Variants in METTL25 observed in about 807,000 individuals in gnomAD.
METTL25 encodes the protein probable methyltransferase-like protein 25.
In METTL25, 64 loss-of-function variants were observed where a neutral mutation model predicts 71.6. The ratio of observed to expected loss-of-function variants is 0.89; its 90% CI spans 0.73 to 1.10. METTL25 has a LOEUF of 1.10. Ranked by LOEUF, METTL25 falls within the 50% of genes least tolerant of loss-of-function variation. METTL25 has a pLI of 0.00. For missense variants in METTL25, 807 were observed against 707.0 expected, an observed-to-expected ratio of 1.14 and a Z score of -1.60; for synonymous variants, 287 against 250.3, an observed-to-expected ratio of 1.15 and a Z score of -1.38.
At chr12:82,467,417 TC>T (rs1264096562) in intron 9 of METTL25, among the ~76,000 whole-genome samples, 1 of 152,120 alleles carries the variant, frequency 6.6e-6, no homozygotes, top group African/African-American at 2.4e-5. Context: ...TTTTTTCACT[TC>T]CAGATGTAAG....
chr12:82,477,221 AT>A, intron 10 of METTL25, 59 bp from the exon 11 acceptor site: 5 of 749,414 alleles, frequency 6.7e-6, no homozygotes, highest in Non-Finnish European at 1.1e-5. Context: ...GTTTAAGGAA[AT>A]AAGCTAGTCT....
intron 10 of METTL25, among the ~76,000 whole-genome samples, chr12:82,476,969 T>C (rs1298903892): frequency 6.6e-6 from 1 of 151,850 alleles, no homozygotes; most frequent in African/African-American, 2.4e-5. Context: ...CACATATTGG[T>C]CCCAATGCAG....
intron 1 of METTL25, among the ~76,000 whole-genome samples, chr12:82,363,118 C>T (rs537350715): frequency 6.6e-6 from 1 of 152,216 alleles, no homozygotes; most frequent in East Asian, 1.9e-4. Flanking sequence ...ACAGGAGATA[C>T]AAAAGGTCTG....
In METTL25 at chr12:82,358,693, C is replaced by T. The variant is rs1881303580; in HGVS notation, c.128C>T (p.Thr43Ile). 2 of 1,614,092 alleles carry T rather than the reference C, an allele frequency of 1.2e-6. No homozygotes were observed. The highest frequency in any genetic ancestry group is 1.3e-5 in the African/African-American group (1 of 74,942). ...ISNAHTVDFY[T>I]ESVWEELVDL... The stretch of plus-strand genomic sequence containing the variant: ...AATGCACATACCGTGGATTTCTACA[C>T]AGAATCCGTGTGGGAGGAGCTGGTC... Residue 43 changes from threonine to isoleucine, a missense_variant, in exon 1 of 12, where the codon ACA becomes ATA. Physicochemically the swap from Thr to Ile is moderately conservative, Grantham distance 89 (BLOSUM62 -1). Transcript: ENST00000248306.
intron 1 of METTL25, among the ~76,000 whole-genome samples, chr12:82,359,970 T>C (rs1881609292): frequency 6.6e-6 from 1 of 152,248 alleles, no homozygotes; most frequent in Non-Finnish European, 1.5e-5. Context: ...GCTCTCATAA[T>C]AAATATATGG....
Position 82,405,261 on chromosome 12 carries a change from T to C in METTL25, c.1279+2131T>C, listed in dbSNP as rs528643044. Among the ~76,000 whole-genome samples the C allele has an allele frequency of 5.9e-5, 9 of 152,186 alleles. No homozygotes were observed. In the South Asian group the frequency reaches 8.3e-4, roughly 14 times the overall value. On this transcript the variant is annotated intron_variant, in intron 5 of 11. Coordinates refer to ENST00000248306, the MANE Select transcript of METTL25 (RefSeq NM_032230.3). ...TCTTTTCTGCACAGTTGCACCTTAC[T>C]CTTTCTCCAGAGTGATCCCCAGAGC... is the stretch of plus-strand genomic sequence containing the variant.
intron 1 of METTL25, among the ~76,000 whole-genome samples, chr12:82,360,466 T>TA (rs1881698531): frequency 6.6e-6 from 1 of 151,434 alleles, no homozygotes; most frequent in East Asian, 1.9e-4. Flanking sequence ...TTTTTAGTGC[T>TA]GTAAGAAAAA....
rs1350863175 is a variant in METTL25, at chr12:82,406,352, TG to T, written c.1279+3223del. 2.6e-5 allele frequency among the ~76,000 whole-genome samples: 4 copies of T among 152,292 alleles called. 1 individual carries two copies. Among genetic ancestry groups the T allele is most frequent in the East Asian group, 1.9e-4 (1 of 5,180 alleles). ...ACAAAGTAAGTCCCCGTACCTATAT[TG>T]TTTTTTTATGTATCTTTCTAGAAAA... On this transcript the variant is annotated intron_variant, in intron 5 of 11. Transcript: ENST00000248306.
chr12:82,388,735 T>A (rs1885293541), intron 2 of METTL25: 1 of 152,126 alleles, frequency 6.6e-6, no homozygotes, highest in South Asian at 2.1e-4. Flanking sequence ...AGATGCATGC[T>A]GGTGATAAGT....
At chr12:82,459,100 A>G (rs898146055) in intron 9 of METTL25, among the ~76,000 whole-genome samples, 11 of 152,204 alleles carry the variant, frequency 7.2e-5, no homozygotes, top group Non-Finnish European at 1.5e-4. Flanking sequence ...GAAAATTACA[A>G]AGCATACTAG....
rs186414456 is a variant in METTL25, at chr12:82,442,758, G to A, written c.1478+3967G>A. Among the ~76,000 whole-genome samples, 6 of 152,084 alleles carry A rather than the reference G, an allele frequency of 3.9e-5. No individual in the cohort carries two copies. The East Asian group carries it at 1.2e-3, about 29-fold the overall frequency. ...CTTATTCTTTCCTACAACTGTATGT[G>A]ATTTTATAATTATTTTAAAATTGAA... On this transcript the variant is annotated intron_variant, in intron 8 of 11. Transcript: ENST00000248306.
At position 82,418,425 on chromosome 12, in the gene METTL25, A is replaced by G. The variant is rs1360967384; in HGVS notation, c.1280-12468A>G. Among the ~76,000 whole-genome samples the G allele has an allele frequency of 3.3e-5, 5 of 152,134 alleles. No individual in the cohort carries two copies. The South Asian group carries it at 8.3e-4, about 25-fold the overall frequency. On this transcript the variant is annotated intron_variant, in intron 5 of 11. Transcript: ENST00000248306. ...TAATATATACTATTCTGCTGTAGCA[A>G]TTTTGTAGCCACCTCCCGTTGCTAT...
In METTL25 at chr12:82,472,260, T is replaced by C. The variant is rs147611520; in HGVS notation, c.1573-4384T>C. ...CTTAGTGGTTGTCTAGGTTCATTTGTATGTGCACTCATCAATAACATTTTT... is the reference window on the plus strand; with the variant it reads ...CTTAGTGGTTGTCTAGGTTCATTTGCATGTGCACTCATCAATAACATTTTT... On this transcript the variant is annotated intron_variant, in intron 9 of 11. Coordinates refer to ENST00000248306, the MANE Select transcript of METTL25 (RefSeq NM_032230.3). Among the ~76,000 whole-genome samples the C allele has an allele frequency of 4.6e-4, 70 of 152,346 alleles. No homozygotes were observed. The East Asian group carries it at 0.012, about 26-fold the overall frequency.
intron 1 of METTL25, among the ~76,000 whole-genome samples, chr12:82,367,247 G>T (rs1882671114): frequency 6.6e-6 from 1 of 151,742 alleles, no homozygotes; most frequent in Non-Finnish European, 1.5e-5. Flanking sequence ...CATATATTTG[G>T]TTGCCTCTAT....
chr12:82,442,776 A>AAAT (rs1890443101), intron 8 of METTL25, among the ~76,000 whole-genome samples: 1 of 152,164 alleles, frequency 6.6e-6, no homozygotes, highest in African/African-American at 2.4e-5. Flanking sequence ...AATTATTTTA[A>AAAT]AATTGAAAGT....
chr12:82,412,510 A>G (rs752692435), intron 5 of METTL25, among the ~76,000 whole-genome samples: 1 of 152,104 alleles, frequency 6.6e-6, no homozygotes, highest in African/African-American at 2.4e-5. Flanking sequence ...CAAGAGATGC[A>G]CACAGTCAGC....
chr12:82,364,621 T>C (rs1197903617), intron 1 of METTL25, among the ~76,000 whole-genome samples: 1 of 152,174 alleles, frequency 6.6e-6, no homozygotes, highest in Non-Finnish European at 1.5e-5. Flanking sequence ...GTAGGGATAA[T>C]ATTACCTACC....
At chr12:82,475,462 A>G (rs1329361431) in intron 9 of METTL25, among the ~76,000 whole-genome samples, 1 of 152,072 alleles carries the variant, frequency 6.6e-6, no homozygotes. Flanking sequence ...ACTTTCCACT[A>G]CCCTTTATAG....
intron 1 of METTL25, among the ~76,000 whole-genome samples, chr12:82,366,534 G>GT (rs1161004972): frequency 6.6e-6 from 1 of 151,206 alleles, no homozygotes; most frequent in Non-Finnish European, 1.5e-5. Context: ...CACAGAAAGT[G>GT]TATGTCCATG....
Sources: gnomAD v4.1 joint callset for allele counts (sites outside exome capture counted in the v4.1 genomes callset) on GRCh38, gnomAD v4.1.1 for gene constraint, MANE v1.5 for transcripts, NCBI Gene and HGNC (gene_info 2026-07-23, HGNC 2026-07-21) for gene names.